Variants in CDC42BPA observed in about 807,000 individuals in gnomAD.
CDC42BPA encodes serine/threonine-protein kinase MRCK alpha.
A neutral mutation model predicts 223.5 loss-of-function variants in CDC42BPA; 80 were observed. The observed-to-expected ratio is 0.36, with a 90% CI of 0.30 to 0.43. The LOEUF is 0.43. Among genes scored for constraint, CDC42BPA ranks in the 20% least tolerant of loss-of-function variants. The pLI is 1.00. For missense variants in CDC42BPA, 1,743 were observed against 2,099.9 expected (o/e 0.83, Z 3.32); for synonymous variants, 694 against 718.6 (o/e 0.97, Z 0.55).
At position 227,199,647 on chromosome 1, in the gene CDC42BPA, T is replaced by G. The variant is rs574348871; in HGVS notation, c.360A>C (p.Ala120=). The G allele has an allele frequency of 6.3e-7, 1 of 1,599,266 alleles. No homozygotes were observed. The highest frequency in any genetic ancestry group is 1.7e-5 in the Admixed American group (1 of 59,610). The part of the protein sequence containing the change: ...KWEMLKRAET[A]CFREERDVLV... ...ATACATCCCTTTCTTCACGAAAACA[T>G]GCTGTCTGAAACACAAAAAGAAAAT... is the stretch of plus-strand genomic sequence containing the variant. Residue 120 remains alanine (A), a synonymous_variant, in exon 4 of 37, where the codon GCA becomes GCC. Transcript: ENST00000366766.
intron 1 of CDC42BPA, among the ~76,000 whole-genome samples, chr1:227,282,580 T>C (rs1036408031): frequency 1.3e-5 from 2 of 152,220 alleles, no homozygotes; most frequent in African/African-American, 4.8e-5. Flanking sequence ...TGTTATTTTT[T>C]AAATGCAGAT....
rs2149846629 is a variant in CDC42BPA, at chr1:227,164,583, T to C, written c.600-3947A>G. Among the ~76,000 whole-genome samples, 2 of 152,124 alleles carry C rather than the reference T, an allele frequency of 1.3e-5. 1 individual carries two copies. Among genetic ancestry groups the C allele is most frequent in the South Asian group, 4.1e-4 (2 of 4,832 alleles). ...CAGGAGGCTGAGGTGGAAGGATCAC[T>C]TGAGCCCAGGAGTTCAAAGCTGTTG... On this transcript the variant is annotated intron_variant, in intron 5 of 36. Transcript: ENST00000366766.
chr1:226,995,791 G>C (rs1661491154), intron 35 of CDC42BPA, among the ~76,000 whole-genome samples: 1 of 152,150 alleles, frequency 6.6e-6, no homozygotes, highest in Non-Finnish European at 1.5e-5. Context: ...TCCCTACTAT[G>C]ACAAGGTTTT....
chr1:227,041,483 C>A (rs931162952), intron 23 of CDC42BPA, among the ~76,000 whole-genome samples: 1 of 152,044 alleles, frequency 6.6e-6, no homozygotes, highest in African/African-American at 2.4e-5. Context: ...TATCAAGTAG[C>A]ATTTATTTCA....
At chr1:227,145,924 T>C (rs1436223816) in intron 7 of CDC42BPA, among the ~76,000 whole-genome samples, 187 bp from the exon 8 acceptor site, 3 of 152,128 alleles carry the variant, frequency 2.0e-5, no homozygotes, top group Non-Finnish European at 2.9e-5. Context: ...CTAGGACTTT[T>C]AATTTCATAT....
At chr1:227,104,058 G>A (rs903236472) in intron 14 of CDC42BPA, among the ~76,000 whole-genome samples, 3 of 152,062 alleles carry the variant, frequency 2.0e-5, no homozygotes, top group African/African-American at 4.8e-5. Flanking sequence ...TGTGCAGAGA[G>A]TTTTATGAAT....
At chr1:227,167,302 G>C (rs1337433988) in intron 5 of CDC42BPA, among the ~76,000 whole-genome samples, 1 of 152,108 alleles carries the variant, frequency 6.6e-6, no homozygotes, top group African/African-American at 2.4e-5. Context: ...CTGAAAAGAA[G>C]TTGTCCAAAA....
chr1:227,098,659 TCTTTAC>T (rs1457232805), intron 15 of CDC42BPA, among the ~76,000 whole-genome samples: 2 of 152,022 alleles, frequency 1.3e-5, no homozygotes, highest in African/African-American at 4.8e-5. Context: ...TACATTGCTA[TCTTTAC>T]CTTTAAAGAT....
At chr1:227,205,843 G>GT in intron 3 of CDC42BPA, among the ~76,000 whole-genome samples, 1 of 152,152 alleles carries the variant, frequency 6.6e-6, no homozygotes, top group Non-Finnish European at 1.5e-5. Flanking sequence ...GAGCCTAGGA[G>GT]TTTGAGACTA....
intron 30 of CDC42BPA, among the ~76,000 whole-genome samples, chr1:227,027,140 C>G (rs570504256): frequency 6.6e-6 from 1 of 152,128 alleles, no homozygotes; most frequent in South Asian, 2.1e-4. Context: ...TAGTTAATTC[C>G]CAAGATCTGC....
chr1:227,251,368 CGAA>C (rs761332573), intron 2 of CDC42BPA, among the ~76,000 whole-genome samples: 4 of 151,670 alleles, frequency 2.6e-5, no homozygotes, highest in Non-Finnish European at 4.4e-5. Flanking sequence ...TTCCATTAAT[CGAA>C]GAAGAAGCAA....
intron 5 of CDC42BPA, among the ~76,000 whole-genome samples, chr1:227,169,869 A>T (rs1513603): frequency 0.16 from 23,914 of 152,196 alleles, 2,326 homozygotes; most frequent in African/African-American, 0.26. Context: ...GACCTCATTC[A>T]GTCACTAGCC....
intron 21 of CDC42BPA, among the ~76,000 whole-genome samples, chr1:227,067,378 T>G (rs773373839): frequency 1.3e-5 from 2 of 152,160 alleles, no homozygotes; most frequent in South Asian, 2.1e-4. Context: ...CATTTTTTTT[T>G]TGTGACAGGA....
chr1:227,148,759 T>A lies in CDC42BPA; in HGVS notation c.694-1200A>T, dbSNP rs530971864. ...TCCAGCCTGGGCGACAGAGCAAGAC[T>A]CGGTCTCAAAAGCAAAAAAAAAAAA... On this transcript the variant is annotated intron_variant, in intron 6 of 36. Coordinates refer to ENST00000366766, the MANE Select transcript of CDC42BPA (RefSeq NM_001394014.1). 3.4e-4 allele frequency among the ~76,000 whole-genome samples: 26 copies of A among 75,654 alleles called. No individual in the cohort carries two copies. In the East Asian group the frequency reaches 6.0e-3, roughly 18 times the overall value. 49.6% of individuals were successfully genotyped at this position (75,654 alleles called of 152,430 possible). A position where few individuals can be genotyped will look rare whatever the true frequency, so the allele number is the denominator to read the frequency against.
intron 10 of CDC42BPA, among the ~76,000 whole-genome samples, chr1:227,130,437 TGGGTTCA>T (rs1313669094): frequency 6.6e-6 from 1 of 152,230 alleles, no homozygotes; most frequent in African/African-American, 2.4e-5. Flanking sequence ...TCTTTCTCTT[TGGGTTCA>T]AAACATACTA....
intron 1 of CDC42BPA, among the ~76,000 whole-genome samples, chr1:227,255,150 C>T (rs539912712): frequency 1.1e-4 from 16 of 152,250 alleles, no homozygotes; most frequent in African/African-American, 3.6e-4. Context: ...GAAGTTTAAA[C>T]GTGTCTCCTT....
At chr1:227,138,137 G>A (rs1658976633) in intron 10 of CDC42BPA, among the ~76,000 whole-genome samples, 1 of 151,988 alleles carries the variant, frequency 6.6e-6, no homozygotes, top group African/African-American at 2.4e-5. Context: ...TGTCTACACA[G>A]CCTTTTTCTC....
At chr1:227,205,321 G>C (rs73094338) in intron 3 of CDC42BPA, among the ~76,000 whole-genome samples, 3,564 of 111,656 alleles carry the variant, frequency 0.032, 153 homozygotes, top group African/African-American at 0.12. Context: ...CACACACACA[G>C]AGAGCCATTC....
intron 14 of CDC42BPA, among the ~76,000 whole-genome samples, chr1:227,109,424 G>A (rs954749868): frequency 6.6e-5 from 10 of 152,002 alleles, no homozygotes; most frequent in African/African-American, 9.7e-5. Context: ...GGAGTGCAGT[G>A]ACTCAATCTC....
Sources: gnomAD v4.1 joint callset for allele counts (sites outside exome capture counted in the v4.1 genomes callset) on GRCh38, gnomAD v4.1.1 for gene constraint, MANE v1.5 for transcripts, NCBI Gene and HGNC (gene_info 2026-07-23, HGNC 2026-07-21) for gene names.